The following LRP6 variants were observed in gnomAD, a reference collection of about 807,000 sequenced individuals.
LRP6 encodes the protein LDL receptor related protein 6, also known as low-density lipoprotein receptor-related protein 6.
Under a neutral mutation model 184.1 loss-of-function variants are expected in LRP6, and 43 were observed. The ratio of observed to expected loss-of-function variants is 0.23; its 90% CI spans 0.18 to 0.30. The LOEUF is 0.30. LRP6 is among the 10% of genes least tolerant of loss of function. LRP6 has a pLI of 1.00. For missense variants in LRP6, 1,571 were observed against 2,005.3 expected (o/e 0.78, Z 4.14); for synonymous variants, 719 against 684.9 (o/e 1.05, Z -0.78).
chr12:12,205,645 T>G (rs1405900843), intron 2 of LRP6, among the ~76,000 whole-genome samples: 1 of 152,188 alleles, frequency 6.6e-6, no homozygotes, highest in Admixed American at 6.5e-5. Flanking sequence ...TACAAAATAT[T>G]ATTTGTTCAT....
rs141379766 is a variant in LRP6, at chr12:12,121,970, T to C, written c.4548-550A>G. On this transcript the variant is annotated intron_variant, in intron 22 of 22. Coordinates refer to ENST00000261349, the MANE Select transcript of LRP6 (RefSeq NM_002336.3). ...CCTCAGGGGCATAACTATTCCATTG[T>C]TGTTATCTTAGCAAAGGGAAATTGC... Among the ~76,000 whole-genome samples, 10 of 152,312 alleles carry C rather than the reference T, an allele frequency of 6.6e-5. No individual in the cohort carries two copies. In the East Asian group the frequency reaches 1.9e-3, roughly 29 times the overall value.
chr12:12,223,801 C>T (rs1395952494), intron 2 of LRP6, among the ~76,000 whole-genome samples: 2 of 152,140 alleles, frequency 1.3e-5, no homozygotes, highest in Non-Finnish European at 2.9e-5. Context: ...TAATCCTTTA[C>T]CACATGGATC....
chr12:12,176,491 G>A (rs780355726), intron 7 of LRP6, among the ~76,000 whole-genome samples: 8 of 152,012 alleles, frequency 5.3e-5, no homozygotes, highest in East Asian at 1.9e-4. Context: ...CCTCCTTCCC[G>A]AAGCTTATTA....
At chr12:12,266,569 C>T in intron 1 of LRP6, 112 bp downstream of exon 1, 1 of 978,814 alleles carries the variant, frequency 1.0e-6, no homozygotes. Context: ...AGGCCTCTCC[C>T]CGCTCCTCTC....
chr12:12,256,650 T>C (rs984330959), intron 1 of LRP6, among the ~76,000 whole-genome samples: 4 of 151,886 alleles, frequency 2.6e-5, no homozygotes, highest in Non-Finnish European at 4.4e-5. Flanking sequence ...CTACTAAAAA[T>C]ACAAAAATTA....
chr12:12,162,169 G>GTTT, intron 10 of LRP6, 24 bp downstream of exon 10: 1 of 1,583,554 alleles, frequency 6.3e-7, no homozygotes, highest in Non-Finnish European at 8.7e-7. Flanking sequence ...CAGTTGCAAA[G>GTTT]AATGCACATG....
chr12:12,253,416 ACTT>A (rs1239888243), intron 1 of LRP6, among the ~76,000 whole-genome samples: 1 of 151,714 alleles, frequency 6.6e-6, no homozygotes, highest in Admixed American at 6.6e-5. Context: ...AAGATCTTTC[ACTT>A]TTTTTCTTTT....
intron 3 of LRP6, among the ~76,000 whole-genome samples, chr12:12,199,952 G>A (rs545422372): frequency 7.2e-4 from 80 of 110,350 alleles, no homozygotes; most frequent in Non-Finnish European, 1.1e-3. Flanking sequence ...GCAACAGAGC[G>A]AGACTCCATC....
chr12:12,142,012 A>G (rs1306461171), intron 15 of LRP6, among the ~76,000 whole-genome samples: 1 of 152,208 alleles, frequency 6.6e-6, no homozygotes, highest in Non-Finnish European at 1.5e-5. Flanking sequence ...CAAAATCTTT[A>G]TCTTCCAAAG....
chr12:12,159,256 A>T (rs543927917), intron 11 of LRP6, 101 bp from the exon 12 acceptor site: 7 of 826,540 alleles, frequency 8.5e-6, no homozygotes, highest in Non-Finnish European at 1.2e-5. Context: ...GCCCTAACAT[A>T]TAAAACATTA....
chr12:12,218,864 T>A (rs1435332132), intron 2 of LRP6, among the ~76,000 whole-genome samples: 1 of 152,036 alleles, frequency 6.6e-6, no homozygotes, highest in Non-Finnish European at 1.5e-5. Context: ...AGACAAAGAA[T>A]AGCAAATATT....
In LRP6 at chr12:12,118,124, T is replaced by C. The variant is rs1450637759; in HGVS notation, c.*3002A>G. The C allele has an allele frequency of 1.3e-5, 2 of 152,212 alleles. No individual in the cohort carries two copies. The highest frequency in any genetic ancestry group is 1.9e-4 in the East Asian group (1 of 5,198). 9.4% of individuals were successfully genotyped at this position (152,212 alleles called of 1,614,324 possible). A position where few individuals can be genotyped will look rare whatever the true frequency, so the allele number is the denominator to read the frequency against. On this transcript the variant is annotated 3_prime_UTR_variant, in exon 23 of 23. Transcript: ENST00000261349. ...TCTGCTAAACAGATATCTTGTGATA[T>C]GCTGTAAGAGTGGCAGAAAGTGCCA...
chr12:12,263,972 A>G (rs1234247218), intron 1 of LRP6, among the ~76,000 whole-genome samples: 1 of 151,836 alleles, frequency 6.6e-6, no homozygotes, highest in African/African-American at 2.4e-5. Context: ...ACACCCCCAC[A>G]CCAACCCCAT....
At chr12:12,146,689 A>AT (rs1332948304) in intron 15 of LRP6, among the ~76,000 whole-genome samples, 1 of 152,192 alleles carries the variant, frequency 6.6e-6, no homozygotes, top group Non-Finnish European at 1.5e-5. Flanking sequence ...TACCCTGAAG[A>AT]TTTTTTAAGT....
intron 19 of LRP6, among the ~76,000 whole-genome samples, chr12:12,130,015 GT>G (rs1191583304): frequency 6.6e-6 from 1 of 151,926 alleles, no homozygotes; most frequent in Non-Finnish European, 1.5e-5. Context: ...CAGGCTATGT[GT>G]TTTTTAGGCT....
chr12:12,201,587 T>C (rs1374598748), intron 3 of LRP6, among the ~76,000 whole-genome samples: 1 of 152,166 alleles, frequency 6.6e-6, no homozygotes, highest in Non-Finnish European at 1.5e-5. Context: ...CTGTTGGTGG[T>C]TTGCCCTTAT....
At chr12:12,145,583 AAGATCTG>A (rs1032829212) in intron 15 of LRP6, among the ~76,000 whole-genome samples, 10 of 123,942 alleles carry the variant, frequency 8.1e-5, no homozygotes, top group Admixed American at 3.1e-4. Flanking sequence ...CTGAGATCTG[AAGATCTG>A]AGATCTGAGA....
chr12:12,159,224 G>T, intron 11 of LRP6, 69 bp from the exon 12 acceptor site: 1 of 1,209,382 alleles, frequency 8.3e-7, no homozygotes, highest in East Asian at 2.3e-5. Context: ...CAAGTGTCTT[G>T]CTGGCAAAAA....
At chr12:12,121,477 C>T in intron 22 of LRP6, 57 bp from the exon 23 acceptor site, 2 of 1,524,052 alleles carry the variant, frequency 1.3e-6, no homozygotes, top group South Asian at 1.1e-5. Flanking sequence ...AAATGATTTC[C>T]CCTCTCAGAA....
Sources: gnomAD v4.1 joint callset for allele counts (sites outside exome capture counted in the v4.1 genomes callset) on GRCh38, gnomAD v4.1.1 for gene constraint, MANE v1.5 for transcripts, NCBI Gene and HGNC (gene_info 2026-07-23, HGNC 2026-07-21) for gene names.